The following NRXN1 variants were observed in gnomAD, a reference collection of about 807,000 sequenced individuals.
NRXN1 encodes the protein neurexin 1, also known as neurexin-1.
Under a neutral mutation model 150.9 loss-of-function variants are expected in NRXN1, and 39 were observed. The ratio of observed to expected loss-of-function variants is 0.26; its 90% CI spans 0.20 to 0.34. The LOEUF (loss-of-function observed/expected upper bound fraction) is 0.34. Ranked by LOEUF, NRXN1 falls within the 10% of genes least tolerant of loss-of-function variation. The probability of loss-of-function intolerance (pLI) is 1.00; values close to 1 mark genes in which losing one functional copy is unlikely to be tolerated. For synonymous variants in NRXN1, 924 were observed against 757.0 expected, an observed-to-expected ratio of 1.22 and a Z score of -3.62; for missense variants, 1,815 against 1,949.9, an observed-to-expected ratio of 0.93 and a Z score of 1.30.
chr2:50,090,462 A>G (rs1366197525), intron 19 of NRXN1, among the ~76,000 whole-genome samples: 1 of 152,146 alleles, frequency 6.6e-6, no homozygotes, highest in African/African-American at 2.4e-5. Context: ...AGGGGAAGAG[A>G]GAAATGAGAC....
At chr2:50,947,394 T>A (rs577944867) in intron 2 of NRXN1, among the ~76,000 whole-genome samples, 5 of 152,042 alleles carry the variant, frequency 3.3e-5, no homozygotes, top group African/African-American at 1.2e-4. Context: ...TTGAATAATT[T>A]AAAAATATAT....
At chr2:50,007,245 T>G (rs145423805) in intron 21 of NRXN1, among the ~76,000 whole-genome samples, 1 of 151,990 alleles carries the variant, frequency 6.6e-6, no homozygotes, top group Admixed American at 6.6e-5. Context: ...CCTAAGGAGG[T>G]TGAGGCAGGA....
At chr2:50,845,850 T>C (rs935406491) in intron 5 of NRXN1, among the ~76,000 whole-genome samples, 13 of 152,206 alleles carry the variant, frequency 8.5e-5, no homozygotes, top group African/African-American at 2.9e-4. Context: ...AATTTTTATA[T>C]TTTCTGAGGG....
chr2:50,551,032 GGAAGAGGAAGAGGAAGAGGAAGAA>G, intron 9 of NRXN1, among the ~76,000 whole-genome samples: 1 of 94,682 alleles, frequency 1.1e-5, no homozygotes, highest in African/African-American at 5.4e-5. Context: ...AAGAGGAAGA[GGAAGAGGAAGAGGAAGAGGAAGAA>G]GAAGAAGAAG....
intron 17 of NRXN1, among the ~76,000 whole-genome samples, chr2:50,342,432 T>C (rs2077615869): frequency 6.6e-6 from 1 of 152,240 alleles, no homozygotes; most frequent in Non-Finnish European, 1.5e-5. Context: ...ATGAATTCAT[T>C]ACCAGCTAAT....
At chr2:50,239,595 A>G (rs867207173) in intron 17 of NRXN1, among the ~76,000 whole-genome samples, 16 of 143,266 alleles carry the variant, frequency 1.1e-4, no homozygotes, top group Non-Finnish European at 1.5e-4. Flanking sequence ...TTAACGTGCT[A>G]TCTAAAGTTG....
chr2:50,057,523 T>C (rs1007426243), intron 19 of NRXN1, among the ~76,000 whole-genome samples: 11 of 152,180 alleles, frequency 7.2e-5, no homozygotes, highest in African/African-American at 2.4e-4. Context: ...GAACCTGTAA[T>C]GGCAAATTTG....
chr2:50,027,397 C>A (rs1301807322), intron 21 of NRXN1, among the ~76,000 whole-genome samples: 2 of 148,728 alleles, frequency 1.3e-5, no homozygotes, highest in Non-Finnish European at 3.0e-5. Context: ...TCCCTTCCTT[C>A]CTTCCTCCCT....
intron 2 of NRXN1, among the ~76,000 whole-genome samples, chr2:50,948,250 C>T (rs1690725360): frequency 6.6e-6 from 1 of 151,886 alleles, no homozygotes; most frequent in African/African-American, 2.4e-5. Context: ...TTTTAATCAT[C>T]AAACGTCCAT....
At chr2:50,754,369 G>C (rs1700948515) in intron 5 of NRXN1, among the ~76,000 whole-genome samples, 1 of 151,754 alleles carries the variant, frequency 6.6e-6, no homozygotes, top group Non-Finnish European at 1.5e-5. Context: ...GGGAGCTCCA[G>C]TTTTACTAAG....
intron 21 of NRXN1, among the ~76,000 whole-genome samples, chr2:49,968,542 G>A (rs1339646567): frequency 2.6e-5 from 4 of 151,900 alleles, no homozygotes; most frequent in East Asian, 3.9e-4. Context: ...TAGTACCCTC[G>A]GTGTCCGTAA....
intron 5 of NRXN1, among the ~76,000 whole-genome samples, chr2:50,878,156 A>AATAT (rs1678889401): frequency 6.6e-6 from 1 of 151,930 alleles, no homozygotes; most frequent in African/African-American, 2.4e-5. Flanking sequence ...AAACGAGGAG[A>AATAT]ATTATAAAGT....
At chr2:50,208,168 C>T (rs975229621) in intron 18 of NRXN1, among the ~76,000 whole-genome samples, 2 of 152,064 alleles carry the variant, frequency 1.3e-5, no homozygotes, top group Non-Finnish European at 2.9e-5. Flanking sequence ...GACTGAATTT[C>T]CACTCAACCA....
chr2:50,620,232 A>T, intron 7 of NRXN1, 49 bp from the exon 8 acceptor site: 1 of 1,562,210 alleles, frequency 6.4e-7, no homozygotes, highest in Non-Finnish European at 8.7e-7. Flanking sequence ...AGACCTAGAT[A>T]CTGTAATCCT....
intron 21 of NRXN1, chr2:50,019,202 C>T (rs1322744683): frequency 2.1e-6 from 1 of 471,280 alleles, no homozygotes; most frequent in South Asian, 1.5e-5. Flanking sequence ...CAGCCCTAGC[C>T]GTCCTTCTAG....
chr2:50,069,758 C>G (rs1176492644), intron 19 of NRXN1, among the ~76,000 whole-genome samples: 1 of 151,980 alleles, frequency 6.6e-6, no homozygotes, highest in Non-Finnish European at 1.5e-5. Flanking sequence ...TGCATTCTTT[C>G]TACCCATTTA....
At chr2:50,066,700 T>C (rs754207419) in intron 19 of NRXN1, among the ~76,000 whole-genome samples, 17 of 151,932 alleles carry the variant, frequency 1.1e-4, no homozygotes, top group Non-Finnish European at 2.4e-4. Context: ...TCACGAACCA[T>C]GAAAAAAAAG....
chr2:50,564,909 G>T (rs1316127996), intron 8 of NRXN1, among the ~76,000 whole-genome samples: 1 of 152,108 alleles, frequency 6.6e-6, no homozygotes. Context: ...AATGAATGGG[G>T]TTTTATGTGC....
At chr2:50,782,680 G>C (rs1330775368) in intron 5 of NRXN1, among the ~76,000 whole-genome samples, 10 of 152,188 alleles carry the variant, frequency 6.6e-5, no homozygotes, top group Non-Finnish European at 1.3e-4. Context: ...CTCAGGGATA[G>C]AGTATTCAAA....
Sources: gnomAD v4.1 joint callset for allele counts (sites outside exome capture counted in the v4.1 genomes callset) on GRCh38, gnomAD v4.1.1 for gene constraint, MANE v1.5 for transcripts, NCBI Gene and HGNC (gene_info 2026-07-23, HGNC 2026-07-21) for gene names.